Variants in LMX1A observed in about 807,000 individuals in gnomAD.
The protein encoded by LMX1A is LIM homeobox transcription factor 1 alpha.
In LMX1A, 15 loss-of-function variants were observed where a neutral mutation model predicts 49.1. That is an observed-to-expected ratio of 0.31 (90% confidence interval 0.20 to 0.47). The LOEUF is 0.47. LMX1A is among the 20% of genes least tolerant of loss of function. The pLI is 1.00. For synonymous variants in LMX1A, 167 were observed against 185.7 expected (o/e 0.90, Z 0.82); for missense variants, 372 against 475.8 (o/e 0.78, Z 2.03).
rs924277782 is a variant in LMX1A, at chr1:165,355,480, T to G, written c.76+4A>C. ...CGCCCAGGACGCACGGCCTGAACAC[T>G]CACCCAGCAGCGAGGAGAAGGAGGC... On this transcript the variant is annotated splice_donor_region_variant and intron_variant, in intron 2 of 8. Transcript: ENST00000342310. The surrounding 1 kb of genome is among the most constrained non-coding windows in gnomAD (Gnocchi z 4.7). The G allele has an allele frequency of 6.2e-7, 1 of 1,613,552 alleles. No homozygotes were observed. The highest frequency in any genetic ancestry group is 1.1e-5 in the South Asian group (1 of 90,976).
intron 4 of LMX1A, among the ~76,000 whole-genome samples, chr1:165,223,185 A>C (rs1383481908): frequency 1.3e-5 from 2 of 152,210 alleles, no homozygotes; most frequent in African/African-American, 2.4e-5. Context: ...AATAATAAAG[A>C]TCTGTCAAGC....
At chr1:165,251,362 C>T (rs1465396968) in intron 3 of LMX1A, among the ~76,000 whole-genome samples, 5 of 152,192 alleles carry the variant, frequency 3.3e-5, no homozygotes, top group Admixed American at 6.5e-5. Flanking sequence ...GGATTATAGG[C>T]ATGAGCCACT....
chr1:165,217,480 C>T (rs772174421), intron 4 of LMX1A, among the ~76,000 whole-genome samples: 9 of 152,268 alleles, frequency 5.9e-5, no homozygotes, highest in East Asian at 5.8e-4. Flanking sequence ...TCCTTCTCTC[C>T]GCATCCCTGA....
chr1:165,324,849 A>G (rs1276305534), intron 3 of LMX1A, among the ~76,000 whole-genome samples: 3 of 152,170 alleles, frequency 2.0e-5, no homozygotes, highest in Non-Finnish European at 4.4e-5. Context: ...TGCTCTTTTG[A>G]TCTCAGCATC....
At chr1:165,327,165 AC>A (rs1039654204) in intron 3 of LMX1A, among the ~76,000 whole-genome samples, 7 of 152,178 alleles carry the variant, frequency 4.6e-5, no homozygotes, top group Admixed American at 1.3e-4. Context: ...GGGAGAGTGG[AC>A]AAGTTCATTG....
At chr1:165,224,728 TG>T (rs781484763) in intron 4 of LMX1A, among the ~76,000 whole-genome samples, 5 of 152,236 alleles carry the variant, frequency 3.3e-5, no homozygotes, top group Non-Finnish European at 5.9e-5. Context: ...GGCAATGCGT[TG>T]CACAAACAAA....
In LMX1A at chr1:165,274,744, C is replaced by A. The variant is rs190630136; in HGVS notation, c.264-25104G>T. 9.9e-5 allele frequency among the ~76,000 whole-genome samples: 15 copies of A among 152,254 alleles called. No homozygotes were observed. In the East Asian group the frequency reaches 2.9e-3, roughly 29 times the overall value. On this transcript the variant is annotated intron_variant, in intron 3 of 8. Transcript: ENST00000342310. ...GTTGCCATGGCGGTCACGGATGTAA[C>A]GTGCCATGAAGGTAAAACGTGAAAT...
intron 3 of LMX1A, among the ~76,000 whole-genome samples, chr1:165,319,637 A>G (rs1655323203): frequency 6.6e-6 from 1 of 152,322 alleles, no homozygotes; most frequent in East Asian, 1.9e-4. Context: ...TAATGACATG[A>G]GAAAACATTA....
chr1:165,279,960 T>C (rs1443062160), intron 3 of LMX1A, among the ~76,000 whole-genome samples: 1 of 151,918 alleles, frequency 6.6e-6, no homozygotes, highest in African/African-American at 2.4e-5. Context: ...AATATGAGTG[T>C]TTTTTTGGCT....
chr1:165,233,605 C>T (rs1198901038), intron 4 of LMX1A, among the ~76,000 whole-genome samples: 1 of 152,242 alleles, frequency 6.6e-6, no homozygotes, highest in Non-Finnish European at 1.5e-5. Context: ...AACCTTCAAA[C>T]TCAGCATGCC....
intron 4 of LMX1A, among the ~76,000 whole-genome samples, chr1:165,247,254 C>A (rs1571175805): frequency 6.6e-6 from 1 of 151,744 alleles, no homozygotes; most frequent in African/African-American, 2.4e-5. Flanking sequence ...TGAGAAAGCA[C>A]AGTATGTCCC....
intron 4 of LMX1A, among the ~76,000 whole-genome samples, chr1:165,247,048 C>CTTTTTT (rs1204141626): frequency 1.4e-4 from 3 of 21,424 alleles, no homozygotes; most frequent in African/African-American, 4.2e-4. Context: ...ATCAGATCAG[C>CTTTTTT]TTTTTCTTTT....
chr1:165,245,678 G>A (rs1464702357), intron 4 of LMX1A, among the ~76,000 whole-genome samples: 1 of 151,408 alleles, frequency 6.6e-6, no homozygotes, highest in African/African-American at 2.4e-5. Flanking sequence ...TAGGGACACT[G>A]TAGTTCTATT....
intron 3 of LMX1A, among the ~76,000 whole-genome samples, chr1:165,325,433 ATATATGTATATG>A (rs33966384): frequency 8.8e-5 from 13 of 148,204 alleles, no homozygotes; most frequent in Non-Finnish European, 1.5e-4. Context: ...ATTTAAAAAT[ATATATGTATATG>A]TATATGTATA....
At position 165,351,188 on chromosome 1, in the gene LMX1A, A is replaced by T. The variant is rs577151312; in HGVS notation, c.263+1888T>A. Among the ~76,000 whole-genome samples, 4 of 152,218 alleles carry T rather than the reference A, an allele frequency of 2.6e-5. No individual in the cohort carries two copies. The South Asian group carries it at 8.3e-4, about 32-fold the overall frequency. ...CGTGATTTTTTTTTTTAACAAACAG[A>T]ATAGAAATTCACAACCCAAATCCTT... On this transcript the variant is annotated intron_variant, in intron 3 of 8. Transcript: ENST00000342310.
chr1:165,224,580 A>G (rs16841286), intron 4 of LMX1A, among the ~76,000 whole-genome samples: 2,949 of 152,328 alleles, frequency 0.019, 96 homozygotes, highest in African/African-American at 0.068. Flanking sequence ...TCCAGAAAAC[A>G]GAGTTCAAGT....
chr1:165,226,003 A>C (rs1340950304), intron 4 of LMX1A, among the ~76,000 whole-genome samples: 1 of 133,098 alleles, frequency 7.5e-6, no homozygotes, highest in East Asian at 2.2e-4. Context: ...AGTTTTGATA[A>C]TTGTGGGAGA....
intron 3 of LMX1A, among the ~76,000 whole-genome samples, chr1:165,300,571 ACC>A (rs1163335046): frequency 3.3e-5 from 5 of 152,184 alleles, no homozygotes; most frequent in Non-Finnish European, 7.3e-5. Context: ...AGCAGGAAGG[ACC>A]AATGGTCAAG....
Position 165,249,650 on chromosome 1 carries a change from G to C in LMX1A, c.264-10C>G, listed in dbSNP as rs1434166283. ...TTTAACAGCAAACAGCCTGGCAGCA[G>C]GGAGAAAGGAAGTACATGCACCATG... is the stretch of plus-strand genomic sequence containing the variant. On this transcript the variant is annotated splice_polypyrimidine_tract_variant and intron_variant, in intron 3 of 8. Coordinates refer to ENST00000342310, the MANE Select transcript of LMX1A (RefSeq NM_177398.4). The C allele has an allele frequency of 6.2e-7, 1 of 1,609,292 alleles. No individual in the cohort carries two copies. The highest frequency in any genetic ancestry group is 1.3e-5 in the African/African-American group (1 of 74,850).
Sources: gnomAD v4.1 joint callset for allele counts (sites outside exome capture counted in the v4.1 genomes callset) on GRCh38, gnomAD v4.1.1 for gene constraint, Gnocchi (gnomAD v3.1) non-coding constraint, MANE v1.5 for transcripts, NCBI Gene and HGNC (gene_info 2026-07-23, HGNC 2026-07-21) for gene names.